The following RXFP1 variants were observed in gnomAD, a reference collection of about 807,000 sequenced individuals.
RXFP1 encodes the protein relaxin family peptide receptor 1.
Under a neutral mutation model 89.8 loss-of-function variants are expected in RXFP1, and 73 were observed. That is an observed-to-expected ratio of 0.81 (90% CI 0.67 to 0.99). The LOEUF is 0.99. Ranked by LOEUF, RXFP1 falls within the 50% of genes least tolerant of loss-of-function variation. The pLI is 0.00. For missense variants in RXFP1, 793 were observed against 895.5 expected, an observed-to-expected ratio of 0.89 and a Z score of 1.46; for synonymous variants, 277 against 305.5, an observed-to-expected ratio of 0.91 and a Z score of 0.97.
chr4:158,637,767 G>C (rs549510070), intron 12 of RXFP1, among the ~76,000 whole-genome samples: 1 of 152,100 alleles, frequency 6.6e-6, no homozygotes, highest in Non-Finnish European at 1.5e-5. Context: ...TTTCACTTTT[G>C]TTGCCTATAT....
At chr4:158,569,032 C>T (rs1037985921) in intron 1 of RXFP1, among the ~76,000 whole-genome samples, 2 of 152,128 alleles carry the variant, frequency 1.3e-5, no homozygotes, top group African/African-American at 4.8e-5. Context: ...CTACAGATAT[C>T]TTTGAAATTA....
At chr4:158,543,539 G>GT (rs1747376975) in intron 1 of RXFP1, among the ~76,000 whole-genome samples, 1 of 152,184 alleles carries the variant, frequency 6.6e-6, no homozygotes, top group African/African-American at 2.4e-5. Context: ...GCAGAACACA[G>GT]TGTCTCCACA....
intron 1 of RXFP1, among the ~76,000 whole-genome samples, chr4:158,540,451 T>C (rs1746336392): frequency 6.6e-6 from 1 of 151,900 alleles, no homozygotes; most frequent in East Asian, 1.9e-4. Context: ...TAATGAGCAG[T>C]GAGAAGCCAG....
chr4:158,616,553 ATTTT>A (rs150214475), intron 8 of RXFP1, among the ~76,000 whole-genome samples: 5 of 133,384 alleles, frequency 3.7e-5, no homozygotes, highest in African/African-American at 5.5e-5. Flanking sequence ...GGTTTAGGCT[ATTTT>A]TTTTTTTTTT....
At chr4:158,601,146 T>TAAAAAAAAATGTA (rs1761615314) in intron 4 of RXFP1, among the ~76,000 whole-genome samples, 1 of 151,846 alleles carries the variant, frequency 6.6e-6, no homozygotes, top group East Asian at 1.9e-4. Flanking sequence ...TGTCATGATC[T>TAAAAAAAAATGTA]AGTATACACA....
chr4:158,633,201 T>C (rs921846674), intron 11 of RXFP1, among the ~76,000 whole-genome samples: 12 of 152,148 alleles, frequency 7.9e-5, no homozygotes, highest in African/African-American at 2.4e-4. Flanking sequence ...ATCAAGTATT[T>C]GTCTTCCAGG....
At chr4:158,601,265 A>G (rs1251131099) in intron 4 of RXFP1, among the ~76,000 whole-genome samples, 1 of 152,154 alleles carries the variant, frequency 6.6e-6, no homozygotes, top group African/African-American at 2.4e-5. Flanking sequence ...ATTGTCTGCA[A>G]GAAGGCAAGA....
intron 1 of RXFP1, among the ~76,000 whole-genome samples, chr4:158,534,304 A>G (rs896054320): frequency 1.3e-5 from 2 of 149,360 alleles, no homozygotes; most frequent in African/African-American, 5.0e-5. Flanking sequence ...CTGGAGTGCA[A>G]TGGTGCAATC....
At chr4:158,561,763 G>T (rs1752501697) in intron 1 of RXFP1, among the ~76,000 whole-genome samples, 1 of 151,504 alleles carries the variant, frequency 6.6e-6, no homozygotes, top group African/African-American at 2.4e-5. Context: ...GAGTAGCCAG[G>T]ATTACAGGCG....
intron 2 of RXFP1, among the ~76,000 whole-genome samples, chr4:158,583,588 T>C (rs1026210646): frequency 6.6e-6 from 1 of 152,246 alleles, no homozygotes; most frequent in Admixed American, 6.5e-5. Flanking sequence ...CAATCATGCA[T>C]TGTATTTTCA....
intron 1 of RXFP1, among the ~76,000 whole-genome samples, chr4:158,546,761 C>G (rs1327062412): frequency 4.0e-5 from 6 of 151,800 alleles, no homozygotes; most frequent in South Asian, 2.1e-4. Context: ...TTATTGATTT[C>G]CATATGTTGA....
At chr4:158,531,417 C>G (rs568083775) in intron 1 of RXFP1, among the ~76,000 whole-genome samples, 1 of 152,346 alleles carries the variant, frequency 6.6e-6, no homozygotes, top group Admixed American at 6.5e-5. Context: ...CACTCAGCCC[C>G]TCACTCCTGA....
chr4:158,588,182 A>C (rs1439579904), intron 2 of RXFP1, among the ~76,000 whole-genome samples: 1 of 152,030 alleles, frequency 6.6e-6, no homozygotes, highest in Non-Finnish European at 1.5e-5. Flanking sequence ...GCAACCACAA[A>C]ATTAAACTAC....
At chr4:158,572,339 G>C (rs991134493) in intron 1 of RXFP1, among the ~76,000 whole-genome samples, 1 of 152,196 alleles carries the variant, frequency 6.6e-6, no homozygotes, top group Non-Finnish European at 1.5e-5. Flanking sequence ...TGAGCCCATA[G>C]TAAGAATACA....
At chr4:158,542,173 C>T (rs1746978498) in intron 1 of RXFP1, among the ~76,000 whole-genome samples, 2 of 145,404 alleles carry the variant, frequency 1.4e-5, no homozygotes, top group African/African-American at 2.5e-5. Context: ...CTCCTGACCT[C>T]GTGATTTGCC....
intron 8 of RXFP1, among the ~76,000 whole-genome samples, chr4:158,614,517 T>C (rs1032369461): frequency 2.6e-5 from 4 of 152,240 alleles, no homozygotes; most frequent in Non-Finnish European, 5.9e-5. Flanking sequence ...AGACAGCTTC[T>C]TTCCTTTCCT....
chr4:158,599,567 A>C, intron 4 of RXFP1, 136 bp downstream of exon 4: 1 of 665,204 alleles, frequency 1.5e-6, no homozygotes, highest in Non-Finnish European at 2.4e-6. Context: ...AGGTATAATA[A>C]TTACTGATAT....
intron 2 of RXFP1, among the ~76,000 whole-genome samples, chr4:158,574,234 G>A (rs115615749): frequency 1.0e-3 from 153 of 152,308 alleles, no homozygotes; most frequent in African/African-American, 3.5e-3. Context: ...GCATAACAAT[G>A]CTATTATGCA....
intron 2 of RXFP1, among the ~76,000 whole-genome samples, chr4:158,586,101 C>T (rs1297168554): frequency 6.6e-6 from 1 of 152,236 alleles, no homozygotes; most frequent in Non-Finnish European, 1.5e-5. Context: ...AGACTCCATG[C>T]TGACCAAATA....
Sources: allele counts gnomAD v4.1 joint callset (sites outside exome capture counted in the v4.1 genomes callset), GRCh38; gene constraint gnomAD v4.1.1; transcripts MANE v1.5; gene names NCBI Gene and HGNC (gene_info 2026-07-23, HGNC 2026-07-21).